Variants in SHE observed in about 807,000 individuals in gnomAD.
SHE encodes the protein SH2 domain-containing adapter protein E.
In SHE, 11 loss-of-function variants were observed where a neutral mutation model predicts 49.8. The ratio of observed to expected loss-of-function variants is 0.22; its 90% CI spans 0.14 to 0.37. The LOEUF is 0.37. SHE is among the 10% of genes least tolerant of loss of function. SHE has a pLI of 1.00. For missense variants in SHE, 624 were observed against 655.5 expected (o/e 0.95, Z 0.52); for synonymous variants, 310 against 278.1 (o/e 1.11, Z -1.14).
chr1:154,481,152 T>TA lies in SHE; in HGVS notation c.*2996dup. 1 of 985,446 alleles carries TA rather than the reference T, an allele frequency of 1.0e-6. No individual in the cohort carries two copies. 61.0% of individuals were successfully genotyped at this position (985,446 alleles called of 1,614,324 possible). On this transcript the variant is annotated 3_prime_UTR_variant, in exon 6 of 6. Transcript: ENST00000304760. ...TTCAGATCAGCTGGCCATGGAGGTTTAACAAGGAAGCCATTAGGGACACCC... is the reference window on the plus strand; with the variant it reads ...TTCAGATCAGCTGGCCATGGAGGTTTAAACAAGGAAGCCATTAGGGACACCC...
intron 2 of SHE, among the ~76,000 whole-genome samples, chr1:154,492,733 ACAAAGGAGTTCAAAG>A (rs1413937877): frequency 6.6e-6 from 1 of 152,266 alleles, no homozygotes; most frequent in African/African-American, 2.4e-5. Flanking sequence ...AGCAGAAAAC[ACAAAGGAGTTCAAAG>A]GATGAATATA....
chr1:154,499,769 C>T (rs1186400998), intron 1 of SHE, among the ~76,000 whole-genome samples: 3 of 152,164 alleles, frequency 2.0e-5, no homozygotes, highest in Non-Finnish European at 2.9e-5. Flanking sequence ...ACACAGGCTT[C>T]ATAGATGAGA....
Position 154,488,660 on chromosome 1 carries a change from C to T in SHE, c.1024+391G>A, listed in dbSNP as rs185965947. 4.3e-4 allele frequency among the ~76,000 whole-genome samples: 65 copies of T among 152,296 alleles called. 1 individual carries two copies. The East Asian group carries it at 0.011, about 27-fold the overall frequency. On this transcript the variant is annotated intron_variant, in intron 3 of 5. Transcript: ENST00000304760. Reference sequence around the variant, plus strand: ...GAAATGCAGTGGCACGATCTTGACTCACTGCAACCTCCGCCTCTTGAGTTC... The same window carrying T: ...GAAATGCAGTGGCACGATCTTGACTTACTGCAACCTCCGCCTCTTGAGTTC...
At chr1:154,488,963 A>G in intron 3 of SHE, 88 bp downstream of exon 3, 1 of 1,437,752 alleles carries the variant, frequency 7.0e-7, no homozygotes, top group Non-Finnish European at 9.3e-7. Flanking sequence ...ATATAAAGGT[A>G]CCCACAAGGA....
rs1691976579 is a variant in SHE, at chr1:154,479,986, A to G, written c.*4163T>C. On this transcript the variant is annotated 3_prime_UTR_variant, in exon 6 of 6. Coordinates refer to ENST00000304760, the MANE Select transcript of SHE (RefSeq NM_001010846.3). Reference sequence around the variant, plus strand: ...CTTAAATGCACAGCTGCTTTTCCCAACTGCAGTTTTCTCTTTTCCCATTAG... The same window carrying G: ...CTTAAATGCACAGCTGCTTTTCCCAGCTGCAGTTTTCTCTTTTCCCATTAG... The G allele has an allele frequency of 1.0e-6, 1 of 985,376 alleles. No homozygotes were observed. The highest frequency in any genetic ancestry group is 1.1e-4 in the East Asian group (1 of 8,814). 61.0% of individuals were successfully genotyped at this position (985,376 alleles called of 1,614,324 possible). A position where few individuals can be genotyped will look rare whatever the true frequency, so the allele number is the denominator to read the frequency against.
At chr1:154,491,271 G>T (rs1692353305) in intron 2 of SHE, among the ~76,000 whole-genome samples, 1 of 152,174 alleles carries the variant, frequency 6.6e-6, no homozygotes, top group South Asian at 2.1e-4. Flanking sequence ...AGAACGGCAT[G>T]GGAGGCTTAC....
rs1389551289 is a variant in SHE, at chr1:154,501,803, C to A, written c.224G>T (p.Gly75Val). 1 of 1,552,508 alleles carries A rather than the reference C, an allele frequency of 6.4e-7. No individual in the cohort carries two copies. Among genetic ancestry groups the A allele is most frequent in the South Asian group, 1.2e-5 (1 of 85,874 alleles). Residue 75 changes from glycine to valine, a missense_variant, in exon 1 of 6, where the codon GGG becomes GTG. Gly to Val is a moderately radical substitution (Grantham distance 109). Transcript: ENST00000304760. ...CTTGCGGCCCTTGCCAGGACCCGGC[C>A]CAGCGCCGCCCGCCTCCGAGTTCTT... ...LRKNSEAGGA[G>V]PGPGKGRKNS...
chr1:154,495,037 G>A (rs532736817), intron 2 of SHE, among the ~76,000 whole-genome samples: 224 of 152,370 alleles, frequency 1.5e-3, no homozygotes, highest in Non-Finnish European at 2.5e-3. Flanking sequence ...GGGCGACACA[G>A]CGAGACTCCG....
chr1:154,472,236 TAG>T (rs1691764641), intron 1 of SHE, among the ~76,000 whole-genome samples: 1 of 152,150 alleles, frequency 6.6e-6, no homozygotes, highest in Middle Eastern at 3.4e-3. Context: ...TACGGCATGG[TAG>T]AGTCTGTTAC....
chr1:154,481,536 T>C lies in SHE; in HGVS notation c.*2613A>G. 1 of 985,438 alleles carries C rather than the reference T, an allele frequency of 1.0e-6. No homozygotes were observed. The highest frequency in any genetic ancestry group is 5.2e-4 in the Middle Eastern group (1 of 1,914). The allele number at this position is 985,438 out of a possible 1,614,324, so 61.0% of individuals were successfully genotyped here. A position where few individuals can be genotyped will look rare whatever the true frequency, so the allele number is the denominator to read the frequency against. ...AAGATGTTATTTCATTATACATTCA[T>C]CACAGTTGCTGGGTATGGGCCAAAA... On this transcript the variant is annotated 3_prime_UTR_variant, in exon 6 of 6. Transcript: ENST00000304760.
chr1:154,487,225 T>G (rs577247260), intron 3 of SHE, among the ~76,000 whole-genome samples: 1 of 150,588 alleles, frequency 6.6e-6, no homozygotes, highest in African/African-American at 2.4e-5. Context: ...TGAGCCAAGA[T>G]TGCGCCACGG....
intron 5 of SHE, chr1:154,484,973 A>T (rs1377978683): frequency 1.3e-5 from 2 of 151,754 alleles, no homozygotes; most frequent in Non-Finnish European, 2.9e-5. Flanking sequence ...TCAAAAAAAA[A>T]AAAAAAGAAA....
intron 1 of SHE, among the ~76,000 whole-genome samples, chr1:154,500,391 G>A (rs1214114304): frequency 1.3e-5 from 2 of 152,094 alleles, no homozygotes; most frequent in Non-Finnish European, 2.9e-5. Flanking sequence ...GCTCAGGGTG[G>A]GCATGCTGTA....
intron 1 of SHE, 121 bp downstream of exon 1, chr1:154,501,315 G>A (rs893074282): frequency 1.3e-5 from 11 of 865,382 alleles, no homozygotes; most frequent in African/African-American, 3.4e-5. Context: ...ATGGTGGAGG[G>A]AGAAAGGACC....
At chr1:154,479,062 A>AT (rs59945817), downstream of SHE, among the ~76,000 whole-genome samples, 60 of 151,832 alleles carry the variant, frequency 4.0e-4, no homozygotes, top group Middle Eastern at 3.4e-3. Context: ...ACCTGGTACA[A>AT]TTTTTTTTTA....
Position 154,501,739 on chromosome 1 carries a change from G to C in SHE, c.288C>G (p.Val96=). ...GGGACAGCCGGCTGTCCTTGGGGCC[G>C]ACGCCGGCCCTGCCGCTCCCCAGCT... The part of the protein sequence containing the change: ...AAELGSGRAG[V]GPKDSRLSRD... Residue 96 remains valine (V), a synonymous_variant, in exon 1 of 6, where the codon GTC becomes GTG. Coordinates refer to ENST00000304760, the MANE Select transcript of SHE (RefSeq NM_001010846.3). 1.3e-6 allele frequency: 2 copies of C among 1,577,956 alleles called. No homozygotes were observed. Among genetic ancestry groups the C allele is most frequent in the Non-Finnish European group, 1.7e-6 (2 of 1,166,926 alleles).
chr1:154,475,865 TC>T (rs1475672845), downstream of SHE, among the ~76,000 whole-genome samples: 20 of 152,174 alleles, frequency 1.3e-4, no homozygotes, highest in East Asian at 3.9e-3. Context: ...AACCTCCACC[TC>T]CCGGTTGGAG....
intron 2 of SHE, among the ~76,000 whole-genome samples, chr1:154,495,355 G>T (rs564512237): frequency 1.1e-4 from 16 of 152,294 alleles, no homozygotes; most frequent in African/African-American, 3.4e-4. Context: ...AGCAACAGAG[G>T]TTTATATTAA....
Position 154,494,689 on chromosome 1 carries a change from G to A in SHE, c.718+4423C>T, listed in dbSNP as rs925850115. 5.3e-5 allele frequency among the ~76,000 whole-genome samples: 8 copies of A among 152,198 alleles called. 1 individual carries two copies. Among genetic ancestry groups the A allele is most frequent in the East Asian group, 3.9e-4 (2 of 5,190 alleles). On this transcript the variant is annotated intron_variant, in intron 2 of 5. Transcript: ENST00000304760. ...AAACCACAGCTTGCTGAATGACATG[G>A]TATTTTCAGTTGTGTAATTTGAACA...
Sources: gnomAD v4.1 joint callset for allele counts (sites outside exome capture counted in the v4.1 genomes callset) on GRCh38, gnomAD v4.1.1 for gene constraint, MANE v1.5 for transcripts, NCBI Gene and HGNC (gene_info 2026-07-23, HGNC 2026-07-21) for gene names.